KAZN: variants seen among roughly 807,000 people sequenced by gnomAD.
KAZN encodes kazrin.
A neutral mutation model predicts 87.4 loss-of-function variants in KAZN; 40 were observed. The ratio of observed to expected loss-of-function variants is 0.46; its 90% confidence interval spans 0.36 to 0.60. The LOEUF (loss-of-function observed/expected upper bound fraction) is 0.60, where lower values mean the gene tolerates loss of function less well. Among genes scored for constraint, KAZN ranks in the 20% least tolerant of loss-of-function variants. The pLI is 0.00. For synonymous variants in KAZN, 466 were observed against 458.3 expected, an observed-to-expected ratio of 1.02 and a Z score of -0.22; for missense variants, 898 against 1,073.9, an observed-to-expected ratio of 0.84 and a Z score of 2.29.
intron 2 of KAZN, among the ~76,000 whole-genome samples, chr1:14,357,125 G>A (rs1434914805): frequency 6.6e-6 from 1 of 152,108 alleles, no homozygotes; most frequent in African/African-American, 2.4e-5. Context: ...AGTTCTCCTT[G>A]AAGAAGTCCT....
intron 1 of KAZN, among the ~76,000 whole-genome samples, chr1:14,722,635 C>G (rs1259124410): frequency 2.0e-5 from 3 of 152,174 alleles, no homozygotes. Context: ...CTTGGTATCT[C>G]TCTGTCTCTT....
At position 14,778,523 on chromosome 1, in the gene KAZN, A is replaced by G. The variant is rs184564108; in HGVS notation, c.226+179300A>G. ...ACATTTCTCTGGGTTCCCTTGGCCA[A>G]GTGGAGATCCGTTCAGTCCATTGGG... On this transcript the variant is annotated intron_variant, in intron 1 of 14. Transcript: ENST00000376030. Among the ~76,000 whole-genome samples, 15 of 152,318 alleles carry G rather than the reference A, an allele frequency of 9.8e-5. 1 individual carries two copies. In the East Asian group the frequency reaches 1.2e-3, roughly 12 times the overall value.
intron 2 of KAZN, among the ~76,000 whole-genome samples, chr1:14,302,794 A>T (rs976265556): frequency 6.6e-6 from 1 of 152,140 alleles, no homozygotes; most frequent in Admixed American, 6.6e-5. Flanking sequence ...ACCAAAGGTA[A>T]AATTGTATCT....
intron 2 of KAZN, among the ~76,000 whole-genome samples, chr1:14,218,666 A>G (rs778415318): frequency 1.3e-5 from 2 of 152,148 alleles, no homozygotes; most frequent in African/African-American, 2.4e-5. Flanking sequence ...TGAATTCATA[A>G]GGATAGAAAA....
intron 1 of KAZN, among the ~76,000 whole-genome samples, chr1:14,693,953 T>G (rs1204326795): frequency 2.6e-5 from 4 of 152,196 alleles, no homozygotes; most frequent in African/African-American, 9.6e-5. Flanking sequence ...AGGTTTAAAA[T>G]GTAGCATGCA....
At chr1:14,272,666 G>C (rs1652041548) in intron 2 of KAZN, among the ~76,000 whole-genome samples, 1 of 151,996 alleles carries the variant, frequency 6.6e-6, no homozygotes, top group Admixed American at 6.6e-5. Flanking sequence ...AGACCAGCCT[G>C]GCCAACATAG....
chr1:14,728,355 C>T (rs1046261383), intron 1 of KAZN, among the ~76,000 whole-genome samples: 1 of 149,078 alleles, frequency 6.7e-6, no homozygotes, highest in Non-Finnish European at 1.5e-5. Flanking sequence ...GGCAGAGCTT[C>T]GGCGGTAACA....
chr1:14,567,167 G>C (rs764547982), intron 2 of KAZN, among the ~76,000 whole-genome samples: 4 of 152,090 alleles, frequency 2.6e-5, no homozygotes, highest in Non-Finnish European at 5.9e-5. Flanking sequence ...TGAACCCTTA[G>C]AGGTCATTGT....
At chr1:15,015,076 A>T (rs1228897918) in intron 2 of KAZN, among the ~76,000 whole-genome samples, 1 of 152,124 alleles carries the variant, frequency 6.6e-6, no homozygotes, top group Admixed American at 6.5e-5. Context: ...ACATAGTATG[A>T]ACTAAAGACT....
intron 2 of KAZN, among the ~76,000 whole-genome samples, chr1:14,284,931 C>T (rs964789880): frequency 4.6e-5 from 7 of 152,242 alleles, no homozygotes; most frequent in Non-Finnish European, 8.8e-5. Flanking sequence ...TGGGTCTTTT[C>T]TCTGGGCTCT....
intron 8 of KAZN, among the ~76,000 whole-genome samples, chr1:15,078,774 G>A (rs1213090661): frequency 6.6e-6 from 1 of 152,138 alleles, no homozygotes; most frequent in African/African-American, 2.4e-5. Flanking sequence ...CAGTTAGAAC[G>A]TTTCATGAGG....
At chr1:14,854,516 A>T (rs1326066626) in intron 1 of KAZN, among the ~76,000 whole-genome samples, 1 of 152,156 alleles carries the variant, frequency 6.6e-6, no homozygotes, top group Non-Finnish European at 1.5e-5. Context: ...GAGAAGGTCA[A>T]AGGGGATGCA....
chr1:14,014,744 T>C (rs1341785968), intron 1 of KAZN, among the ~76,000 whole-genome samples: 1 of 152,204 alleles, frequency 6.6e-6, no homozygotes, highest in Non-Finnish European at 1.5e-5. Flanking sequence ...AAAAAGTACA[T>C]CTTGGAGAAA....
chr1:14,944,045 G>A (rs1417205526), intron 1 of KAZN, among the ~76,000 whole-genome samples: 1 of 152,086 alleles, frequency 6.6e-6, no homozygotes, highest in Non-Finnish European at 1.5e-5. Context: ...CTGCACTCCA[G>A]CCTGGGTGAC....
chr1:14,073,070 G>A lies in KAZN; in HGVS notation c.92-107365G>A, dbSNP rs150199157. Among the ~76,000 whole-genome samples, 417 of 152,318 alleles carry A rather than the reference G, an allele frequency of 2.7e-3. 10 individuals carry two copies. In the South Asian group the frequency reaches 0.066, roughly 24 times the overall value. ...ACATAGTGAATGATGGCAGGGTAAGGCAGTGGAGAAGAACGCACATCTCAC... is the reference window on the plus strand; with the variant it reads ...ACATAGTGAATGATGGCAGGGTAAGACAGTGGAGAAGAACGCACATCTCAC... On this transcript the variant is annotated intron_variant, in intron 1 of 16. Transcript: ENST00000636203.
At chr1:13,926,650 G>GT (rs1491316140) in intron 1 of KAZN, among the ~76,000 whole-genome samples, 2 of 119,838 alleles carry the variant, frequency 1.7e-5, no homozygotes, top group East Asian at 2.4e-4. Flanking sequence ...ATCTTTAAGA[G>GT]TTAAAAAAAA....
chr1:14,517,676 C>T (rs1303871650), intron 2 of KAZN, among the ~76,000 whole-genome samples: 1 of 152,174 alleles, frequency 6.6e-6, no homozygotes, highest in Non-Finnish European at 1.5e-5. Context: ...TAGAAAAGAA[C>T]ATTTGTTTAT....
chr1:14,779,540 C>A (rs879695111), intron 1 of KAZN, among the ~76,000 whole-genome samples: 2 of 151,526 alleles, frequency 1.3e-5, no homozygotes, highest in African/African-American at 2.4e-5. Context: ...GGATTGACAT[C>A]GGCCCCTGAC....
intron 2 of KAZN, among the ~76,000 whole-genome samples, chr1:15,034,153 T>A (rs568251110): frequency 6.6e-6 from 1 of 152,390 alleles, no homozygotes; most frequent in East Asian, 1.9e-4. Context: ...TCTCCCATTC[T>A]ATGAGTTGTC....
Sources: gnomAD v4.1 joint callset for allele counts (sites outside exome capture counted in the v4.1 genomes callset) on GRCh38, gnomAD v4.1.1 for gene constraint, MANE v1.5 for transcripts, NCBI Gene and HGNC (gene_info 2026-07-23, HGNC 2026-07-21) for gene names.